ZHX3: variants seen among roughly 807,000 people sequenced by gnomAD.
The protein encoded by ZHX3 is zinc fingers and homeoboxes 3.
ZHX3 carries 20 observed loss-of-function variants against 64.5 expected under a neutral mutation model. The ratio of observed to expected loss-of-function variants is 0.31; its 90% CI spans 0.22 to 0.45. The LOEUF (loss-of-function observed/expected upper bound fraction) is 0.45. Ranked by LOEUF, ZHX3 falls within the 20% of genes least tolerant of loss-of-function variation. ZHX3 has a pLI of 1.00. For missense variants in ZHX3, 1,041 were observed against 1,195.8 expected, an observed-to-expected ratio of 0.87 and a Z score of 1.91; for synonymous variants, 423 against 461.6, an observed-to-expected ratio of 0.92 and a Z score of 1.07.
chr20:41,316,039 A>C (rs2045279687), intron 1 of ZHX3, among the ~76,000 whole-genome samples: 1 of 152,016 alleles, frequency 6.6e-6, no homozygotes, highest in African/African-American at 2.4e-5. Context: ...CTCAAAACCA[A>C]AAACCAAAAC....
intron 2 of ZHX3, among the ~76,000 whole-genome samples, chr20:41,237,614 G>A (rs2041097841): frequency 6.6e-6 from 1 of 152,188 alleles, no homozygotes; most frequent in Admixed American, 6.5e-5. Flanking sequence ...GGCCTGTTGT[G>A]GGGTAGGAGG....
At chr20:41,238,383 GA>G (rs2041153472) in intron 2 of ZHX3, among the ~76,000 whole-genome samples, 1 of 151,942 alleles carries the variant, frequency 6.6e-6, no homozygotes, top group Non-Finnish European at 1.5e-5. Flanking sequence ...GACTAAGAGG[GA>G]AAAAAAGGAA....
intron 2 of ZHX3, among the ~76,000 whole-genome samples, chr20:41,217,283 A>T (rs1017791502): frequency 1.3e-5 from 2 of 152,150 alleles, no homozygotes; most frequent in African/African-American, 4.8e-5. Flanking sequence ...CCAACCCCCT[A>T]GAAAAAAATG....
chr20:41,197,420 A>T (rs183042538), intron 3 of ZHX3, among the ~76,000 whole-genome samples: 4,663 of 147,360 alleles, frequency 0.032, 107 homozygotes, highest in Non-Finnish European at 0.053. Context: ...GTATATATTT[A>T]AAATATATAT....
intron 2 of ZHX3, among the ~76,000 whole-genome samples, chr20:41,262,008 C>T (rs559262677): frequency 6.6e-6 from 1 of 152,296 alleles, no homozygotes; most frequent in South Asian, 2.1e-4. Flanking sequence ...TCACCACCTT[C>T]CCTAAAACTA....
chr20:41,234,131 A>G (rs957743026), intron 2 of ZHX3, among the ~76,000 whole-genome samples: 4 of 152,204 alleles, frequency 2.6e-5, no homozygotes, highest in Non-Finnish European at 1.5e-5. Flanking sequence ...CTCCCCAGCA[A>G]CATCTAACAG....
chr20:41,288,858 A>G (rs987226907), intron 1 of ZHX3, among the ~76,000 whole-genome samples: 2 of 152,236 alleles, frequency 1.3e-5, no homozygotes, highest in Admixed American at 6.5e-5. Context: ...TCAGGACTCT[A>G]TAATTTCATT....
intron 1 of ZHX3, among the ~76,000 whole-genome samples, chr20:41,291,279 T>C (rs553445879): frequency 1.3e-5 from 2 of 152,016 alleles, no homozygotes; most frequent in Admixed American, 1.3e-4. Flanking sequence ...AGAACAGAAG[T>C]CACAACAAAT....
chr20:41,289,649 T>C (rs1001411693), intron 1 of ZHX3, among the ~76,000 whole-genome samples: 2 of 151,996 alleles, frequency 1.3e-5, no homozygotes, highest in African/African-American at 4.8e-5. Context: ...ATTTGAAAAT[T>C]TGTCCATTTC....
At chr20:41,267,772 C>A (rs1264040957) in intron 2 of ZHX3, among the ~76,000 whole-genome samples, 2 of 152,116 alleles carry the variant, frequency 1.3e-5, no homozygotes, top group Admixed American at 1.3e-4. Context: ...GAAGATGATT[C>A]CAGGCAGAGG....
chr20:41,266,481 T>C (rs1283197300), intron 2 of ZHX3, among the ~76,000 whole-genome samples: 3 of 151,992 alleles, frequency 2.0e-5, no homozygotes, highest in African/African-American at 4.8e-5. Context: ...CTGACCATAA[T>C]ATTCTTCTTT....
At chr20:41,275,059 G>A (rs1433385707) in intron 1 of ZHX3, among the ~76,000 whole-genome samples, 6 of 152,122 alleles carry the variant, frequency 3.9e-5, no homozygotes, top group African/African-American at 1.4e-4. Flanking sequence ...TTGGGAGGCT[G>A]AGGCAGGAGA....
At chr20:41,264,420 A>G (rs1004254351) in intron 2 of ZHX3, among the ~76,000 whole-genome samples, 23 of 148,322 alleles carry the variant, frequency 1.6e-4, no homozygotes, top group African/African-American at 5.2e-4. Flanking sequence ...TTAGCCGGGC[A>G]TGGTGGCACA....
chr20:41,234,885 C>T lies in ZHX3; in HGVS notation c.-150-29819G>A, dbSNP rs139399373. Among the ~76,000 whole-genome samples, 223 of 152,328 alleles carry T rather than the reference C, an allele frequency of 1.5e-3. 1 individual carries two copies. The highest frequency in any genetic ancestry group is 5.2e-3 in the African/African-American group (215 of 41,580). On this transcript the variant is annotated intron_variant, in intron 2 of 3. Coordinates refer to ENST00000683867, the MANE Select transcript of ZHX3 (RefSeq NM_001384317.1). The stretch of plus-strand genomic sequence containing the variant: ...CTCAGTAAGCCTTTGTCACTGCTGA[C>T]ATGAAATACAAGAGTTGGTAAGTTT...
At position 41,179,388 on chromosome 20, in the gene ZHX3, CAT is replaced by C. The variant is rs759380355; in HGVS notation, c.*5801_*5802del. ...CGCTCCTCACTCCTGCTGACAATCT[CAT>C]GTGGGGCTCTGGCCCTGTTCCAAGC... On this transcript the variant is annotated 3_prime_UTR_variant, in exon 4 of 4. Transcript: ENST00000683867. The surrounding 1 kb of genome is among the most constrained non-coding windows in gnomAD (Gnocchi z 4.3). 20 of 152,224 alleles carry C rather than the reference CAT, an allele frequency of 1.3e-4. 1 individual carries two copies. Among genetic ancestry groups the C allele is most frequent in the Admixed American group, 9.8e-4 (15 of 15,300 alleles). The allele number at this position is 152,224 out of a possible 1,614,324, so 9.4% of individuals were successfully genotyped here. A position where few individuals can be genotyped will look rare whatever the true frequency, so the allele number is the denominator to read the frequency against.
chr20:41,246,781 G>A lies in ZHX3; in HGVS notation c.-151+22209C>T, dbSNP rs144392061. 5.0e-3 allele frequency among the ~76,000 whole-genome samples: 755 copies of A among 151,918 alleles called. 3 individuals carry two copies. Among genetic ancestry groups the A allele is most frequent in the African/African-American group, 0.017 (721 of 41,444 alleles). On this transcript the variant is annotated intron_variant, in intron 2 of 3. Transcript: ENST00000683867. Reference sequence around the variant, plus strand: ...CCAGCTACTCGGAAGGCCAAAGCAGGAGAATCACTCGAACCCAGGAGGTGG... The same window carrying A: ...CCAGCTACTCGGAAGGCCAAAGCAGAAGAATCACTCGAACCCAGGAGGTGG...
In ZHX3 at chr20:41,186,707, C is replaced by T. The variant is rs146765843; in HGVS notation, c.2861-1506G>A. Among the ~76,000 whole-genome samples the T allele has an allele frequency of 2.0e-4, 31 of 151,908 alleles. No individual in the cohort carries two copies. In the East Asian group the frequency reaches 5.0e-3, roughly 25 times the overall value. On this transcript the variant is annotated intron_variant, in intron 3 of 3. Transcript: ENST00000683867. ...CCATCTTAAGTGTGAAGTGGTATCA[C>T]GCTGTGGTTTTGATTTGCATTTCCC... is the stretch of plus-strand genomic sequence containing the variant.
chr20:41,282,468 C>T (rs1358474952), intron 1 of ZHX3, among the ~76,000 whole-genome samples: 2 of 148,864 alleles, frequency 1.3e-5, no homozygotes, highest in Non-Finnish European at 3.0e-5. Context: ...AAGCGACTCT[C>T]CTGCCTCAGC....
At chr20:41,291,694 G>A (rs911850629) in intron 1 of ZHX3, among the ~76,000 whole-genome samples, 3 of 151,572 alleles carry the variant, frequency 2.0e-5, no homozygotes, top group Non-Finnish European at 4.4e-5. Context: ...ACAGATATAA[G>A]TTTATATATG....
Sources: allele counts gnomAD v4.1 joint callset (sites outside exome capture counted in the v4.1 genomes callset), GRCh38; gene constraint gnomAD v4.1.1; non-coding constraint Gnocchi (gnomAD v3.1); transcripts MANE v1.5; gene names NCBI Gene and HGNC (gene_info 2026-07-23, HGNC 2026-07-21).